The following USP15 variants were observed in gnomAD, a reference collection of about 807,000 sequenced individuals.
USP15 encodes ubiquitin carboxyl-terminal hydrolase 15.
USP15 carries 18 observed loss-of-function variants against 127.1 expected under a neutral mutation model. The observed-to-expected ratio is 0.14, with a 90% CI of 0.10 to 0.21. The LOEUF (loss-of-function observed/expected upper bound fraction) is 0.21, where lower values mean the gene tolerates loss of function less well. Ranked by LOEUF, USP15 falls within the 10% of genes least tolerant of loss-of-function variation. The pLI, the probability that USP15 is intolerant of heterozygous loss-of-function variation, is 1.00. For missense variants in USP15, 805 were observed against 1,159.9 expected, an observed-to-expected ratio of 0.69 and a Z score of 4.44; for synonymous variants, 364 against 393.7, an observed-to-expected ratio of 0.92 and a Z score of 0.89.
At chr12:62,297,358 G>C (rs891584978) in intron 2 of USP15, among the ~76,000 whole-genome samples, 2 of 152,016 alleles carry the variant, frequency 1.3e-5, no homozygotes, top group African/African-American at 4.8e-5. Flanking sequence ...ACTGACTTCT[G>C]TCTTACCTTA....
chr12:62,379,189 A>T (rs75337682), intron 8 of USP15, among the ~76,000 whole-genome samples: 1 of 140,100 alleles, frequency 7.1e-6, no homozygotes, highest in Admixed American at 7.6e-5. Flanking sequence ...GATTTATAGA[A>T]GTTAGTAAGG....
At chr12:62,350,335 C>T (rs536771652) in intron 7 of USP15, among the ~76,000 whole-genome samples, 1 of 151,914 alleles carries the variant, frequency 6.6e-6, no homozygotes, top group Non-Finnish European at 1.5e-5. Flanking sequence ...AGAAACAGAT[C>T]TTTGTATAAA....
At chr12:62,269,910 T>C (rs937148130) in intron 1 of USP15, among the ~76,000 whole-genome samples, 5 of 152,178 alleles carry the variant, frequency 3.3e-5, no homozygotes, top group African/African-American at 1.2e-4. Context: ...TGTATATACC[T>C]GTAAGTGGAA....
rs140415412 is a variant in USP15, at chr12:62,351,504, G to C, written c.770+2197G>C. ...ATTTTTAACATTGTATATAGACTAT[G>C]TTGAATGTAGACTATATTTTGACCA... On this transcript the variant is annotated intron_variant, in intron 7 of 21. Transcript: ENST00000280377. 3.6e-3 allele frequency among the ~76,000 whole-genome samples: 541 copies of C among 151,926 alleles called. 2 individuals are homozygous for C. Among genetic ancestry groups the C allele is most frequent in the African/African-American group, 0.013 (522 of 41,446 alleles).
intron 1 of USP15, among the ~76,000 whole-genome samples, chr12:62,291,498 ATTAT>A: frequency 6.6e-6 from 1 of 152,244 alleles, no homozygotes; most frequent in South Asian, 2.1e-4. Context: ...AATATTGTGA[ATTAT>A]TTAGCATTTC....
chr12:62,400,573 C>T (rs972335661), intron 20 of USP15, among the ~76,000 whole-genome samples: 6 of 147,376 alleles, frequency 4.1e-5, no homozygotes, highest in African/African-American at 1.0e-4. Flanking sequence ...TGCACAGGAC[C>T]GACTACACTT....
intron 21 of USP15, among the ~76,000 whole-genome samples, chr12:62,402,806 C>A (rs563226842): frequency 6.6e-6 from 1 of 152,080 alleles, no homozygotes; most frequent in South Asian, 2.1e-4. Context: ...TGTATCTTAA[C>A]ATTTCTCTGA....
intron 1 of USP15, among the ~76,000 whole-genome samples, chr12:62,292,557 T>C (rs1241202529): frequency 2.0e-5 from 3 of 152,214 alleles, no homozygotes; most frequent in African/African-American, 7.2e-5. Flanking sequence ...TTACTGTGTC[T>C]GCAGCAGTGG....
chr12:62,363,121 CT>C (rs1486359809), intron 8 of USP15, among the ~76,000 whole-genome samples: 1 of 152,126 alleles, frequency 6.6e-6, no homozygotes, highest in Non-Finnish European at 1.5e-5. Flanking sequence ...AGGTTTCAGG[CT>C]ACTATCTTCT....
chr12:62,390,784 T>C, intron 14 of USP15, 80 bp from the exon 15 acceptor site: 1 of 1,024,722 alleles, frequency 9.8e-7, no homozygotes, highest in Non-Finnish European at 1.4e-6. Flanking sequence ...AAAAGTTTTG[T>C]TTTACTGATA....
At chr12:62,376,795 T>TA (rs1459101581) in intron 8 of USP15, among the ~76,000 whole-genome samples, 4 of 152,138 alleles carry the variant, frequency 2.6e-5, no homozygotes, top group Non-Finnish European at 5.9e-5. Flanking sequence ...GCACAACACA[T>TA]ATCCGATTTT....
chr12:62,357,381 T>C (rs941457057), intron 8 of USP15, among the ~76,000 whole-genome samples: 2 of 152,150 alleles, frequency 1.3e-5, no homozygotes, highest in African/African-American at 2.4e-5. Flanking sequence ...TTGCATGTTA[T>C]GTTTAAGGTG....
In USP15 at chr12:62,401,173, A is replaced by G; in HGVS notation, c.2675-14A>G. On this transcript the variant is annotated splice_polypyrimidine_tract_variant and intron_variant, in intron 20 of 21. Coordinates refer to ENST00000280377, the MANE Select transcript of USP15 (RefSeq NM_001252078.2). ...AGATCATTTTCGTCACAGTGATTAT[A>G]TTTTTTTCATTAGATACTGCTTTTG... is the stretch of plus-strand genomic sequence containing the variant. 2 of 1,595,588 alleles carry G rather than the reference A, an allele frequency of 1.3e-6. No homozygotes were observed. The highest frequency in any genetic ancestry group is 1.7e-5 in the Admixed American group (1 of 59,252).
chr12:62,319,529 C>T (rs1365312789), intron 4 of USP15, among the ~76,000 whole-genome samples: 1 of 152,152 alleles, frequency 6.6e-6, no homozygotes, highest in Non-Finnish European at 1.5e-5. Context: ...TGTATATAAT[C>T]CTACAGAAGT....
intron 3 of USP15, 56 bp downstream of exon 3, chr12:62,302,976 T>G (rs771985206): frequency 1.9e-6 from 3 of 1,542,356 alleles, no homozygotes; most frequent in African/African-American, 1.4e-5. Flanking sequence ...AGTTCACATT[T>G]TATTATTAAT....
chr12:62,384,901 G>A (rs181369679), intron 11 of USP15, among the ~76,000 whole-genome samples: 59 of 151,898 alleles, frequency 3.9e-4, no homozygotes, highest in African/African-American at 1.4e-3. Context: ...CCGTTACCTA[G>A]TGTTATAATT....
chr12:62,308,014 C>T (rs897173134), intron 3 of USP15, among the ~76,000 whole-genome samples: 11 of 151,648 alleles, frequency 7.3e-5, no homozygotes, highest in Middle Eastern at 3.2e-3. Context: ...TCTTAGTGTG[C>T]GTAATTAATA....
intron 8 of USP15, among the ~76,000 whole-genome samples, chr12:62,377,217 T>C (rs2137549315): frequency 6.6e-6 from 1 of 152,296 alleles, no homozygotes; most frequent in South Asian, 2.1e-4. Flanking sequence ...TATGCTCTTT[T>C]AGTTATTTTT....
chr12:62,340,531 A>G (rs1188854452), intron 6 of USP15, among the ~76,000 whole-genome samples: 1 of 152,208 alleles, frequency 6.6e-6, no homozygotes, highest in Non-Finnish European at 1.5e-5. Context: ...ATTTAGTGCT[A>G]TAAATTTCCC....
Sources: gnomAD v4.1 joint callset for allele counts (sites outside exome capture counted in the v4.1 genomes callset) on GRCh38, gnomAD v4.1.1 for gene constraint, MANE v1.5 for transcripts, NCBI Gene and HGNC (gene_info 2026-07-23, HGNC 2026-07-21) for gene names.